The following TM9SF3 variants were observed in gnomAD, a reference collection of about 807,000 sequenced individuals.
The protein encoded by TM9SF3 is transmembrane 9 superfamily member 3, also known as SM-11044-binding protein.
Under a neutral mutation model 78.6 loss-of-function variants are expected in TM9SF3, and 14 were observed. That is an observed-to-expected ratio of 0.18 (90% CI 0.12 to 0.28). The LOEUF is 0.28. Ranked by LOEUF, TM9SF3 falls within the 10% of genes least tolerant of loss-of-function variation. The pLI is 1.00. For missense variants in TM9SF3, 496 were observed against 721.9 expected, an observed-to-expected ratio of 0.69 and a Z score of 3.59; for synonymous variants, 231 against 241.7, an observed-to-expected ratio of 0.96 and a Z score of 0.41.
chr10:96,544,747 G>T (rs1476923339), intron 8 of TM9SF3, among the ~76,000 whole-genome samples: 1 of 151,618 alleles, frequency 6.6e-6, no homozygotes, highest in Non-Finnish European at 1.5e-5. Context: ...GAAGAAAAAA[G>T]TCTAAAAACC....
intron 7 of TM9SF3, among the ~76,000 whole-genome samples, chr10:96,550,539 C>T (rs781043820): frequency 1.3e-5 from 2 of 152,156 alleles, no homozygotes; most frequent in African/African-American, 4.8e-5. Flanking sequence ...GAATTATAAT[C>T]GCTACCACCC....
chr10:96,562,793 G>A (rs1848324847), intron 3 of TM9SF3, among the ~76,000 whole-genome samples: 3 of 152,140 alleles, frequency 2.0e-5, no homozygotes, highest in Non-Finnish European at 4.4e-5. Flanking sequence ...CACAATGTTA[G>A]GGAAATATTA....
chr10:96,563,237 G>T (rs1848330779), intron 3 of TM9SF3, among the ~76,000 whole-genome samples: 1 of 152,088 alleles, frequency 6.6e-6, no homozygotes, highest in Non-Finnish European at 1.5e-5. Context: ...CACCACGCCT[G>T]GGTAAATGTT....
intron 9 of TM9SF3, among the ~76,000 whole-genome samples, chr10:96,540,426 C>CTT (rs1268833045): frequency 2.6e-5 from 4 of 152,184 alleles, no homozygotes; most frequent in Non-Finnish European, 5.9e-5. Flanking sequence ...CTCGGTATCT[C>CTT]TAAAAGATCA....
At chr10:96,539,136 A>G (rs1847993209) in intron 9 of TM9SF3, among the ~76,000 whole-genome samples, 1 of 152,194 alleles carries the variant, frequency 6.6e-6, no homozygotes, top group Non-Finnish European at 1.5e-5. Context: ...TAACCATGCA[A>G]TTGAATACTA....
chr10:96,538,776 C>T (rs1400839826), intron 9 of TM9SF3, among the ~76,000 whole-genome samples: 1 of 152,096 alleles, frequency 6.6e-6, no homozygotes, highest in Non-Finnish European at 1.5e-5. Context: ...AGATCTTCAA[C>T]ATGATTAGTC....
At chr10:96,573,472 T>C (rs1437945587) in intron 2 of TM9SF3, among the ~76,000 whole-genome samples, 1 of 152,204 alleles carries the variant, frequency 6.6e-6, no homozygotes, top group Admixed American at 6.5e-5. Flanking sequence ...GCAGCTTCTT[T>C]AGCAGCATAT....
At chr10:96,537,280 T>C (rs1027030901) in intron 9 of TM9SF3, among the ~76,000 whole-genome samples, 2 of 152,252 alleles carry the variant, frequency 1.3e-5, no homozygotes, top group Admixed American at 1.3e-4. Context: ...ACCTTTTCTA[T>C]GTTTACATAC....
chr10:96,578,850 C>T (rs1198522264), intron 1 of TM9SF3, among the ~76,000 whole-genome samples: 2 of 152,308 alleles, frequency 1.3e-5, no homozygotes, highest in South Asian at 2.1e-4. Flanking sequence ...CCAAAGCAGG[C>T]GGATCACTTA....
chr10:96,522,417 A>G, intron 14 of TM9SF3, 87 bp from the exon 15 acceptor site: 6 of 1,049,100 alleles, frequency 5.7e-6, no homozygotes, highest in Non-Finnish European at 8.1e-6. Context: ...TATGCTCTGG[A>G]AAGTTATTCT....
chr10:96,574,945 G>C (rs1320382608), intron 2 of TM9SF3, among the ~76,000 whole-genome samples: 1 of 152,126 alleles, frequency 6.6e-6, no homozygotes, highest in Non-Finnish European at 1.5e-5. Context: ...CTAGGGAAGG[G>C]ATAGCATTAG....
At chr10:96,532,441 T>C (rs150901234) in intron 10 of TM9SF3, among the ~76,000 whole-genome samples, 1,960 of 152,106 alleles carry the variant, frequency 0.013, 32 homozygotes, top group Non-Finnish European at 0.016. Context: ...ATATGCTGTA[T>C]TTATAATCTG....
intron 14 of TM9SF3, 56 bp downstream of exon 14, chr10:96,527,157 T>C: frequency 6.9e-7 from 1 of 1,448,486 alleles, no homozygotes; most frequent in South Asian, 1.2e-5. Flanking sequence ...ACTGTATTTT[T>C]CGGATTTAGA....
intron 9 of TM9SF3, among the ~76,000 whole-genome samples, chr10:96,540,736 A>G (rs1032442250): frequency 6.8e-6 from 1 of 147,868 alleles, no homozygotes; most frequent in African/African-American, 2.5e-5. Flanking sequence ...TTAGATGATG[A>G]AGCTTTTCTA....
Position 96,547,877 on chromosome 10 carries a change from T to G in TM9SF3, c.1054+18A>C. 22 of 1,571,268 alleles carry G rather than the reference T, an allele frequency of 1.4e-5. No homozygotes were observed. Among genetic ancestry groups the G allele is most frequent in the Non-Finnish European group, 1.8e-5 (21 of 1,151,276 alleles). On this transcript the variant is annotated intron_variant, in intron 8 of 14. Coordinates refer to ENST00000371142, the MANE Select transcript of TM9SF3 (RefSeq NM_020123.4). ...AGCATCTATAATTAACAACATGAAG[T>G]GAGAATTCGTAAGTTACCTCCTTGT...
intron 3 of TM9SF3, 133 bp downstream of exon 3, chr10:96,565,171 A>T: frequency 1.1e-6 from 1 of 885,226 alleles, no homozygotes; most frequent in Non-Finnish European, 1.6e-6. Flanking sequence ...AACTGGTATT[A>T]AAATCATTCT....
At chr10:96,544,298 C>T (rs1205631016) in intron 8 of TM9SF3, 92 bp from the exon 9 acceptor site, 1 of 1,150,304 alleles carries the variant, frequency 8.7e-7, no homozygotes, top group Non-Finnish European at 1.2e-6. Flanking sequence ...TGAAATTTAA[C>T]ATCTTAATAA....
At chr10:96,566,545 A>G (rs1848373240) in intron 2 of TM9SF3, among the ~76,000 whole-genome samples, 1 of 152,210 alleles carries the variant, frequency 6.6e-6, no homozygotes, top group Non-Finnish European at 1.5e-5. Context: ...AGTCCCATGG[A>G]AGAATGTCAG....
intron 1 of TM9SF3, among the ~76,000 whole-genome samples, chr10:96,577,105 A>G (rs1382172225): frequency 2.0e-5 from 3 of 152,176 alleles, no homozygotes; most frequent in Non-Finnish European, 2.9e-5. Context: ...CCAATAGCTC[A>G]TAAGAGTGTG....
Sources: allele counts gnomAD v4.1 joint callset (sites outside exome capture counted in the v4.1 genomes callset), GRCh38; gene constraint gnomAD v4.1.1; transcripts MANE v1.5; gene names NCBI Gene and HGNC (gene_info 2026-07-23, HGNC 2026-07-21).